PTPRT: variants seen among roughly 807,000 people sequenced by gnomAD.
The protein encoded by PTPRT is receptor-type tyrosine-protein phosphatase T.
PTPRT carries 56 observed loss-of-function variants against 176.8 expected under a neutral mutation model. That is an observed-to-expected ratio of 0.32 (90% CI 0.26 to 0.40). The LOEUF (loss-of-function observed/expected upper bound fraction) is 0.40, where lower values mean the gene tolerates loss of function less well. Ranked by LOEUF, PTPRT falls within the 10% of genes least tolerant of loss-of-function variation. The probability of loss-of-function intolerance (pLI) is 1.00; values close to 1 mark genes in which losing one functional copy is unlikely to be tolerated. For missense variants in PTPRT, 1,540 were observed against 1,908.2 expected, an observed-to-expected ratio of 0.81 and a Z score of 3.60; for synonymous variants, 783 against 739.0, an observed-to-expected ratio of 1.06 and a Z score of -0.96.
At chr20:43,030,077 C>G (rs996323995) in intron 1 of PTPRT, among the ~76,000 whole-genome samples, 10 of 152,212 alleles carry the variant, frequency 6.6e-5, no homozygotes, top group African/African-American at 2.4e-4. Flanking sequence ...CCTATCCTAA[C>G]TAAAATATCT....
At chr20:42,191,486 C>T (rs1482632710) in intron 16 of PTPRT, among the ~76,000 whole-genome samples, 2 of 152,196 alleles carry the variant, frequency 1.3e-5, no homozygotes, top group Non-Finnish European at 2.9e-5. Flanking sequence ...GGAAACCACA[C>T]ATTCCGTGGG....
intron 7 of PTPRT, among the ~76,000 whole-genome samples, chr20:42,609,372 C>T (rs960650302): frequency 2.6e-4 from 39 of 152,232 alleles, no homozygotes; most frequent in Non-Finnish European, 3.5e-4. Context: ...CCGCACCCAG[C>T]CCCCAACACT....
At chr20:42,615,976 C>T (rs2074068341) in intron 7 of PTPRT, among the ~76,000 whole-genome samples, 1 of 125,552 alleles carries the variant, frequency 8.0e-6, no homozygotes, top group South Asian at 2.4e-4. Context: ...CTTTTGTTGC[C>T]ATTGCTTTTG....
At chr20:42,106,721 TATC>T in intron 24 of PTPRT, 62 bp downstream of exon 24, 3 of 1,570,998 alleles carry the variant, frequency 1.9e-6, no homozygotes, top group Admixed American at 1.8e-5. Flanking sequence ...CTCTCCGTTC[TATC>T]ATCATGTTTC....
chr20:42,699,967 C>T (rs1282750314), intron 6 of PTPRT, among the ~76,000 whole-genome samples: 1 of 152,116 alleles, frequency 6.6e-6, no homozygotes, highest in Non-Finnish European at 1.5e-5. Flanking sequence ...TGTCATGTGC[C>T]GCTTTCCTAC....
intron 7 of PTPRT, among the ~76,000 whole-genome samples, chr20:42,474,672 T>G (rs998883803): frequency 2.1e-4 from 32 of 152,166 alleles, no homozygotes; most frequent in Admixed American, 9.8e-4. Flanking sequence ...TTATGATTGG[T>G]GGGATTACGG....
chr20:42,602,703 CT>C (rs1311619914), intron 7 of PTPRT, among the ~76,000 whole-genome samples: 1 of 152,064 alleles, frequency 6.6e-6, no homozygotes, highest in African/African-American at 2.4e-5. Context: ...ATATGCTCCT[CT>C]TTCATGAAGC....
At chr20:42,899,908 T>C (rs2750074) in intron 1 of PTPRT, among the ~76,000 whole-genome samples, 3,959 of 152,300 alleles carry the variant, frequency 0.026, 107 homozygotes, top group African/African-American at 0.067. Flanking sequence ...GGAACAATAA[T>C]GATAGCAGCT....
intron 13 of PTPRT, 99 bp downstream of exon 13, chr20:42,282,390 T>G (rs983478881): frequency 4.0e-6 from 5 of 1,239,992 alleles, no homozygotes; most frequent in Non-Finnish European, 5.8e-6. Flanking sequence ...TTCTTTCTTG[T>G]TTTGAGTTAC....
chr20:42,666,099 AT>A (rs549442229), intron 7 of PTPRT, among the ~76,000 whole-genome samples: 42 of 152,332 alleles, frequency 2.8e-4, no homozygotes, highest in East Asian at 2.1e-3. Flanking sequence ...TAATAAAAAA[AT>A]AAAAATAAAA....
intron 26 of PTPRT, among the ~76,000 whole-genome samples, chr20:42,099,546 C>CGGGGGGGGGGGGGGG (rs59137378): frequency 3.5e-5 from 1 of 28,916 alleles, no homozygotes; most frequent in African/African-American, 1.3e-4. Context: ...ATGGCCTGGG[C>CGGGGGGGGGGGGGGG]GGGGGGGGGG....
chr20:43,071,518 C>T (rs2011180124), intron 1 of PTPRT, among the ~76,000 whole-genome samples: 1 of 152,194 alleles, frequency 6.6e-6, no homozygotes, highest in South Asian at 2.1e-4. Context: ...GGCGCGGTGG[C>T]TCATGCCTGT....
At chr20:42,032,481 C>T in the PTPRT span, among the ~76,000 whole-genome samples, 56 of 152,208 alleles carry the variant, frequency 3.7e-4, 2 homozygotes, top group East Asian at 9.1e-3. Context: ...GAGAGCTGCT[C>T]AACAAGCAGA....
At position 42,080,531 on chromosome 20, in the gene PTPRT, C is replaced by A. The variant is rs149894863; in HGVS notation, c.*348G>T. 3.0e-4 allele frequency: 91 copies of A among 299,530 alleles called. No homozygotes were observed. Among genetic ancestry groups the A allele is most frequent in the African/African-American group, 1.8e-3 (86 of 46,718 alleles). 18.6% of individuals were successfully genotyped at this position (299,530 alleles called of 1,614,324 possible). A position where few individuals can be genotyped will look rare whatever the true frequency, so the allele number is the denominator to read the frequency against. ...CAGGGGAGCCTCCCACTCCCCAGCACCTGCACAGTTGGCTTGCCAAGAGAT... is the reference window on the plus strand; with the variant it reads ...CAGGGGAGCCTCCCACTCCCCAGCAACTGCACAGTTGGCTTGCCAAGAGAT... On this transcript the variant is annotated 3_prime_UTR_variant, in exon 31 of 31. Coordinates refer to ENST00000373187, the MANE Select transcript of PTPRT (RefSeq NM_007050.6).
chr20:42,840,944 C>T (rs1225415520), intron 2 of PTPRT, among the ~76,000 whole-genome samples: 3 of 152,132 alleles, frequency 2.0e-5, no homozygotes, highest in Non-Finnish European at 2.9e-5. Context: ...TGGAGTCCTT[C>T]GTGCTACTTG....
chr20:42,235,331 T>C (rs1197236936), intron 15 of PTPRT, among the ~76,000 whole-genome samples: 1 of 152,004 alleles, frequency 6.6e-6, no homozygotes, highest in Non-Finnish European at 1.5e-5. Flanking sequence ...GGTACGATTT[T>C]GGCTCACTAC....
intron 7 of PTPRT, among the ~76,000 whole-genome samples, chr20:42,668,858 A>ATTTTTTTTTTTT (rs755121515): frequency 2.1e-3 from 168 of 81,290 alleles, no homozygotes; most frequent in Non-Finnish European, 2.6e-3. Context: ...CGCCCAGCTA[A>ATTTTTTTTTTTT]TTTTTTTTTT....
At chr20:42,514,004 T>C (rs6072767) in intron 7 of PTPRT, among the ~76,000 whole-genome samples, 20,415 of 152,170 alleles carry the variant, frequency 0.13, 1,436 homozygotes, top group Middle Eastern at 0.17. Context: ...CCATTGAGCG[T>C]AAATATGACA....
chr20:42,339,793 A>T (rs1019629743), intron 11 of PTPRT, among the ~76,000 whole-genome samples: 2 of 152,202 alleles, frequency 1.3e-5, no homozygotes, highest in Non-Finnish European at 2.9e-5. Context: ...CCCACATTCT[A>T]TATCCAGTGG....
Sources: allele counts gnomAD v4.1 joint callset (sites outside exome capture counted in the v4.1 genomes callset), GRCh38; gene constraint gnomAD v4.1.1; transcripts MANE v1.5; gene names NCBI Gene and HGNC (gene_info 2026-07-23, HGNC 2026-07-21).